Variants in UBTD2 observed in about 807,000 individuals in gnomAD.
The protein encoded by UBTD2 is ubiquitin domain containing 2.
In UBTD2, 9 loss-of-function variants were observed where a neutral mutation model predicts 19.8. The observed-to-expected ratio is 0.46, with a 90% confidence interval of 0.27 to 0.79. The LOEUF (loss-of-function observed/expected upper bound fraction) is 0.79, where lower values mean the gene tolerates loss of function less well. Ranked by LOEUF, UBTD2 falls within the 30% of genes least tolerant of loss-of-function variation. The pLI, the probability that UBTD2 is intolerant of heterozygous loss-of-function variation, is 0.14. For missense variants in UBTD2, 250 were observed against 300.4 expected, an observed-to-expected ratio of 0.83 and a Z score of 1.24; for synonymous variants, 98 against 103.9, an observed-to-expected ratio of 0.94 and a Z score of 0.35.
chr5:172,270,350 A>ATTTTTTTTT (rs758440849), intron 1 of UBTD2, among the ~76,000 whole-genome samples: 7 of 98,760 alleles, frequency 7.1e-5, no homozygotes, highest in African/African-American at 2.6e-4. Context: ...GAATTTTAGA[A>ATTTTTTTTT]TTTTTTTTTT....
At chr5:172,249,466 A>G (rs1490518948) in intron 1 of UBTD2, among the ~76,000 whole-genome samples, 1 of 151,910 alleles carries the variant, frequency 6.6e-6, no homozygotes, top group Non-Finnish European at 1.5e-5. Flanking sequence ...AAAAATAGAA[A>G]GAACACTTCC....
At chr5:172,277,434 C>T (rs376544250) in intron 1 of UBTD2, among the ~76,000 whole-genome samples, 18 of 151,992 alleles carry the variant, frequency 1.2e-4, no homozygotes, top group African/African-American at 4.1e-4. Context: ...AGGTGATGCA[C>T]GGTGGCTCAC....
chr5:172,252,952 G>GA (rs1344576211), intron 1 of UBTD2, among the ~76,000 whole-genome samples: 1 of 152,126 alleles, frequency 6.6e-6, no homozygotes, highest in Non-Finnish European at 1.5e-5. Context: ...GAAGCAAACA[G>GA]AAAAAAACTA....
chr5:172,260,765 A>G (rs976863546), intron 1 of UBTD2, among the ~76,000 whole-genome samples: 1 of 152,150 alleles, frequency 6.6e-6, no homozygotes, highest in Admixed American at 6.5e-5. Context: ...TATTGTTTCT[A>G]AAGTTCCTTT....
chr5:172,221,381 C>CGG (rs1561850061), intron 2 of UBTD2, among the ~76,000 whole-genome samples: 1 of 151,972 alleles, frequency 6.6e-6, no homozygotes, highest in Non-Finnish European at 1.5e-5. Flanking sequence ...GGTGCCTGCC[C>CGG]GTAGTCCCAC....
intron 2 of UBTD2, among the ~76,000 whole-genome samples, chr5:172,223,617 A>AAAAAAAAAAAAAAG (rs1561850764): frequency 3.9e-5 from 5 of 129,282 alleles, no homozygotes; most frequent in African/African-American, 1.2e-4. Flanking sequence ...AAAAAAAAAA[A>AAAAAAAAAAAAAAG]GCACACTTAG....
At position 172,270,405 on chromosome 5, in the gene UBTD2, C is replaced by T. The variant is rs183699087; in HGVS notation, c.70+13191G>A. Among the ~76,000 whole-genome samples the T allele has an allele frequency of 4.1e-3, 582 of 140,400 alleles. 4 individuals are homozygous for T. The highest frequency in any genetic ancestry group is 0.015 in the African/African-American group (558 of 36,642). The allele number at this position is 140,400 out of a possible 152,430, so 92.1% of individuals were successfully genotyped here. On this transcript the variant is annotated intron_variant, in intron 1 of 2. Transcript: ENST00000393792. Reference sequence around the variant, plus strand: ...GGAGTTTCGCTCTTGTTGCCCAGGCCGGAGTGCAATGGTGCGATCTCGGCT... The same window carrying T: ...GGAGTTTCGCTCTTGTTGCCCAGGCTGGAGTGCAATGGTGCGATCTCGGCT...
chr5:172,218,908 T>C (rs868412794), intron 2 of UBTD2, among the ~76,000 whole-genome samples: 1 of 151,024 alleles, frequency 6.6e-6, no homozygotes, highest in South Asian at 2.1e-4. Context: ...CTACCCAGGC[T>C]AGCCAAGAAA....
chr5:172,276,313 C>G lies in UBTD2; in HGVS notation c.70+7283G>C, dbSNP rs1400017646. On this transcript the variant is annotated intron_variant, in intron 1 of 2. Coordinates refer to ENST00000393792, the MANE Select transcript of UBTD2 (RefSeq NM_152277.3). ...CAGTACATTCTTTTCATCAGATAAG[C>G]TCTTCTCTTCAAGAGTCCACACTAA... Among the ~76,000 whole-genome samples the G allele has an allele frequency of 2.6e-5, 4 of 151,788 alleles. No individual in the cohort carries two copies. In the East Asian group the frequency reaches 5.8e-4, roughly 22 times the overall value.
At chr5:172,264,561 TA>T (rs61132221) in intron 1 of UBTD2, among the ~76,000 whole-genome samples, 10,507 of 107,930 alleles carry the variant, frequency 0.097, 397 homozygotes, top group South Asian at 0.17. Flanking sequence ...ATTAAAAAAT[TA>T]AAAAAAAAAA....
At chr5:172,257,521 G>A (rs929446596) in intron 1 of UBTD2, among the ~76,000 whole-genome samples, 1 of 152,142 alleles carries the variant, frequency 6.6e-6, no homozygotes, top group Admixed American at 6.5e-5. Flanking sequence ...TTCCTGGGTC[G>A]AATGGTAGTT....
At position 172,234,353 on chromosome 5, in the gene UBTD2, G is replaced by C. The variant is rs780038566; in HGVS notation, c.76C>G (p.Leu26Val). ...NENSEGTGVA[L>V]GRNQPLKKEK... Reference sequence around the variant, plus strand: ...TTTTTCAAAGGCTGGTTACGACCTAGAGCAACTGAAAAGAAAAATAAAAGA... The same window carrying C: ...TTTTTCAAAGGCTGGTTACGACCTACAGCAACTGAAAAGAAAAATAAAAGA... Residue 26 changes from leucine (L) to valine (V), a missense_variant, in exon 2 of 3, where the codon CTA (leucine) becomes GTA (valine). Coordinates refer to ENST00000393792, the MANE Select transcript of UBTD2 (RefSeq NM_152277.3). 5 of 1,613,540 alleles carry C rather than the reference G, an allele frequency of 3.1e-6. No individual in the cohort carries two copies. Among genetic ancestry groups the C allele is most frequent in the Non-Finnish European group, 3.4e-6 (4 of 1,179,774 alleles).
In UBTD2 at chr5:172,211,905, C is replaced by G. The variant is rs140458958; in HGVS notation, c.630G>C (p.Leu210=). 6.2e-7 allele frequency: 1 copy of G among 1,614,226 alleles called. No homozygotes were observed. The highest frequency in any genetic ancestry group is 1.3e-5 in the African/African-American group (1 of 75,060). Residue 210 remains leucine, a synonymous_variant, in exon 3 of 3, where the codon CTG becomes CTC. Coordinates refer to ENST00000393792, the MANE Select transcript of UBTD2 (RefSeq NM_152277.3). ...PLTDKMKFEE[L]KIPKDYVVQV... Reference sequence around the variant, plus strand: ...GTACAACATAGTCCTTTGGGATCTTCAGCTCTTCGAACTTCATTTTGTCAG... The same window carrying G: ...GTACAACATAGTCCTTTGGGATCTTGAGCTCTTCGAACTTCATTTTGTCAG...
Position 172,212,432 on chromosome 5 carries a change from C to T in UBTD2, c.308-205G>A, listed in dbSNP as rs139160481. Among the ~76,000 whole-genome samples, 11 of 152,240 alleles carry T rather than the reference C, an allele frequency of 7.2e-5. No individual in the cohort carries two copies. The East Asian group carries it at 1.3e-3, about 19-fold the overall frequency. Reference sequence around the variant, plus strand: ...TATGAACCAGAATGCTAGGTCCTTACGCTTATGCTCTTCTAAGTTATTTCA... The same window carrying T: ...TATGAACCAGAATGCTAGGTCCTTATGCTTATGCTCTTCTAAGTTATTTCA... On this transcript the variant is annotated intron_variant, in intron 2 of 2. Coordinates refer to ENST00000393792, the MANE Select transcript of UBTD2 (RefSeq NM_152277.3).
chr5:172,211,953 C>A lies in UBTD2; in HGVS notation c.582G>T (p.Trp194Cys), dbSNP rs747889291. The A allele has an allele frequency of 6.2e-7, 1 of 1,614,180 alleles. No homozygotes were observed. Among genetic ancestry groups the A allele is most frequent in the Admixed American group, 1.7e-5 (1 of 60,008 alleles). The part of the protein sequence containing the change: ...AEGVEPGSQR[W>C]FFSGRPLTDK... ...CAGTGAGAGGTCTGCCAGAAAAAAA[C>A]CACCGCTGACTACCTGGTTCCACTC... is the stretch of plus-strand genomic sequence containing the variant. Residue 194 changes from tryptophan to cysteine, a missense_variant, in exon 3 of 3, where the codon TGG (tryptophan) becomes TGT (cysteine). Transcript: ENST00000393792.
At chr5:172,222,869 T>C (rs1459505832) in intron 2 of UBTD2, among the ~76,000 whole-genome samples, 2 of 152,116 alleles carry the variant, frequency 1.3e-5, no homozygotes, top group Admixed American at 6.6e-5. Context: ...CTAAAACAGG[T>C]AAATTAAACG....
intron 1 of UBTD2, among the ~76,000 whole-genome samples, chr5:172,241,960 G>T (rs184678596): frequency 3.5e-4 from 54 of 152,380 alleles, no homozygotes; most frequent in Admixed American, 1.5e-3. Context: ...GTAGGCTGCA[G>T]TGAGCTGCGA....
chr5:172,264,256 AAAC>A (rs1176271049), intron 1 of UBTD2, among the ~76,000 whole-genome samples: 1 of 151,862 alleles, frequency 6.6e-6, no homozygotes, highest in East Asian at 1.9e-4. Context: ...GCTTAAAATA[AAAC>A]AACCCAGCCA....
intron 1 of UBTD2, among the ~76,000 whole-genome samples, chr5:172,248,124 G>A (rs1336142612): frequency 6.6e-6 from 1 of 152,034 alleles, no homozygotes; most frequent in Non-Finnish European, 1.5e-5. Context: ...GAATAGAAGT[G>A]AACACAAAAC....
Sources: gnomAD v4.1 joint callset for allele counts (sites outside exome capture counted in the v4.1 genomes callset) on GRCh38, gnomAD v4.1.1 for gene constraint, MANE v1.5 for transcripts, NCBI Gene and HGNC (gene_info 2026-07-23, HGNC 2026-07-21) for gene names.